SPINK5: variants seen among roughly 807,000 people sequenced by gnomAD.
SPINK5 encodes serine protease inhibitor Kazal-type 5.
Under a neutral mutation model 151.8 loss-of-function variants are expected in SPINK5, and 125 were observed. The observed-to-expected ratio is 0.82, with a 90% CI of 0.71 to 0.96. The LOEUF (loss-of-function observed/expected upper bound fraction) is 0.96. SPINK5 is among the 40% of genes least tolerant of loss of function. SPINK5 has a pLI of 0.00. For synonymous variants in SPINK5, 374 were observed against 395.3 expected (o/e 0.95, Z 0.64); for missense variants, 1,194 against 1,291.9 (o/e 0.92, Z 1.16).
At chr5:148,086,706 T>C (rs1026870403) in intron 5 of SPINK5, among the ~76,000 whole-genome samples, 174 bp downstream of exon 5, 11 of 151,822 alleles carry the variant, frequency 7.2e-5, no homozygotes, top group Non-Finnish European at 1.0e-4. Flanking sequence ...GTGTATAGCA[T>C]AACACTTTAT....
At chr5:148,127,140 C>A in intron 30 of SPINK5, 61 bp downstream of exon 30, 1 of 1,447,336 alleles carries the variant, frequency 6.9e-7, no homozygotes, top group African/African-American at 1.4e-5. Context: ...TTTTTTTGAC[C>A]TGTTGCTATT....
intron 15 of SPINK5, among the ~76,000 whole-genome samples, chr5:148,104,277 T>G (rs1201855820): frequency 6.6e-6 from 1 of 152,160 alleles, no homozygotes; most frequent in African/African-American, 2.4e-5. Flanking sequence ...AGAATTTGGC[T>G]CCAGAGTCTT....
intron 22 of SPINK5, 29 bp downstream of exon 22, chr5:148,116,495 G>A: frequency 6.2e-7 from 1 of 1,609,180 alleles, no homozygotes; most frequent in African/African-American, 1.3e-5. Context: ...TTCAGTAACT[G>A]GGGCGGGCTC....
intron 15 of SPINK5, 36 bp downstream of exon 15, chr5:148,101,944 T>C: frequency 6.2e-7 from 1 of 1,612,886 alleles, no homozygotes; most frequent in East Asian, 2.2e-5. Context: ...GTCTGAGGAT[T>C]GAGCAGTGGG....
chr5:148,068,285 G>T (rs1752635703), intron 2 of SPINK5, among the ~76,000 whole-genome samples: 1 of 152,022 alleles, frequency 6.6e-6, no homozygotes, highest in African/African-American at 2.4e-5. Flanking sequence ...GGGCTGGTCT[G>T]TGATATCGTT....
At position 148,086,510 on chromosome 5, in the gene SPINK5, T is replaced by C; in HGVS notation, c.388T>C (p.Cys130Arg). ...GTDGKTYDNR[C>R]ALCAENAKTG... ...AGATGGGAAAACATATGACAACAGA[T>C]GTGCACTGTGTGCTGAGAATGCGTG... The change falls in exon 5 of 33, where the codon TGT becomes CGT. Residue 130 changes from cysteine (C) to arginine (R), a missense_variant. Cys to Arg is a radical substitution (Grantham distance 180, BLOSUM62 -3). Coordinates refer to ENST00000256084, the MANE Select transcript of SPINK5 (RefSeq NM_006846.4). 3 of 1,611,648 alleles carry C rather than the reference T, an allele frequency of 1.9e-6. No individual in the cohort carries two copies. The highest frequency in any genetic ancestry group is 2.5e-6 in the Non-Finnish European group (3 of 1,178,582).
rs748333238 is a variant in SPINK5 at position 148,091,116 on chromosome 5, AAAATATGATTGAGTCAT to A, written c.603-45_603-29del. On this transcript the variant is annotated intron_variant, in intron 7 of 32. Coordinates refer to ENST00000256084, the MANE Select transcript of SPINK5 (RefSeq NM_006846.4). ...GTTTAGCACAGGACTGAGGATACTG[AAAATATGATTGAGTCAT>A]AAACTGACCAACTGTTTACTTTTCT... is the stretch of plus-strand genomic sequence containing the variant. 2.6e-6 allele frequency: 4 copies of A among 1,515,746 alleles called. No homozygotes were observed. In the African/African-American group the frequency reaches 5.5e-5, roughly 21 times the overall value. The allele number at this position is 1,515,746 out of a possible 1,614,324, so 93.9% of individuals were successfully genotyped here. A position where few individuals can be genotyped will look rare whatever the true frequency, so the allele number is the denominator to read the frequency against.
intron 11 of SPINK5, among the ~76,000 whole-genome samples, 184 bp downstream of exon 11, chr5:148,098,178 C>T (rs1753523468): frequency 6.6e-6 from 1 of 151,958 alleles, no homozygotes; most frequent in Non-Finnish European, 1.5e-5. Flanking sequence ...TTTAAGACGC[C>T]TTGTTCCTCT....
At position 148,131,336 on chromosome 5, in the gene SPINK5, T is replaced by C. The variant is rs1237574831; in HGVS notation, c.3042T>C (p.Cys1014=). ...YLCPKDLKPV[C]GDDGQTYNNP... ...GTCCAAAGGATTTAAAGCCTGTCTG[T>C]GGTGACGATGGCCAAACCTACAACA... Residue 1014 remains cysteine, a synonymous_variant, in exon 31 of 33, where the codon TGT becomes TGC. Transcript: ENST00000256084. 4.3e-6 allele frequency: 7 copies of C among 1,613,858 alleles called. No homozygotes were observed. The highest frequency in any genetic ancestry group is 5.9e-6 in the Non-Finnish European group (7 of 1,179,864).
chr5:148,089,703 T>C (rs1228046483), intron 7 of SPINK5, 82 bp downstream of exon 7: 48 of 1,598,322 alleles, frequency 3.0e-5, no homozygotes, highest in Non-Finnish European at 3.3e-5. Flanking sequence ...AGAGATAAAA[T>C]CCTTTTCATG....
chr5:148,114,047 T>C (rs536438203), intron 20 of SPINK5, among the ~76,000 whole-genome samples: 1 of 152,296 alleles, frequency 6.6e-6, no homozygotes, highest in African/African-American at 2.4e-5. Flanking sequence ...ACTTCAGTGA[T>C]TGCTTATTCT....
chr5:148,089,353 C>A, intron 6 of SPINK5, 141 bp from the exon 7 acceptor site: 1 of 1,060,082 alleles, frequency 9.4e-7, no homozygotes, highest in Non-Finnish European at 1.4e-6. Context: ...AGAGTACTTA[C>A]TGAGCTACAT....
chr5:148,123,024 T>C (rs943213953), intron 26 of SPINK5, among the ~76,000 whole-genome samples: 1 of 151,872 alleles, frequency 6.6e-6, no homozygotes, highest in East Asian at 1.9e-4. Flanking sequence ...GGAGACAGGT[T>C]TGGGGCTCTG....
Position 148,119,989 on chromosome 5 carries a change from T to C in SPINK5, c.2314-20T>C. 9 of 1,613,374 alleles carry C rather than the reference T, an allele frequency of 5.6e-6. No individual in the cohort carries two copies. Among genetic ancestry groups the C allele is most frequent in the Non-Finnish European group, 7.6e-6 (9 of 1,179,442 alleles). ...TTATGTAAAAACAGCACTTCCAATA[T>C]AATCTTCCCATCTTTTCAGGATACA... On this transcript the variant is annotated intron_variant, in intron 24 of 32. Coordinates refer to ENST00000256084, the MANE Select transcript of SPINK5 (RefSeq NM_006846.4).
chr5:148,111,732 T>C (rs767524139), intron 18 of SPINK5, 36 bp from the exon 19 acceptor site: 3 of 1,613,732 alleles, frequency 1.9e-6, no homozygotes, highest in Non-Finnish European at 2.5e-6. Context: ...GTTTAGTTAT[T>C]GGACTCTTAA....
Position 148,070,374 on chromosome 5 carries a change from C to T in SPINK5, c.133C>T (p.Pro45Ser). The T allele has an allele frequency of 2.5e-5, 41 of 1,612,728 alleles. No individual in the cohort carries two copies. Among genetic ancestry groups the T allele is most frequent in the Non-Finnish European group, 3.4e-5 (40 of 1,179,294 alleles). ...TATGAAAAATGGAAAACTGTTCTGT[C>T]CCCAGGATAAGAAATTTTTTCAAAG... ...AFMKNGKLFC[P>S]QDKKFFQSLD... The change falls in exon 3 of 33, where the codon CCC becomes TCC. Residue 45 changes from proline (P) to serine (S), a missense_variant. Pro to Ser is a moderately conservative substitution (Grantham distance 74). Coordinates refer to ENST00000256084, the MANE Select transcript of SPINK5 (RefSeq NM_006846.4).
chr5:148,080,969 A>G (rs1753003414), intron 4 of SPINK5, among the ~76,000 whole-genome samples: 1 of 151,640 alleles, frequency 6.6e-6, no homozygotes, highest in African/African-American at 2.4e-5. Flanking sequence ...TCAATTAAGT[A>G]TAGATATTAC....
intron 21 of SPINK5, among the ~76,000 whole-genome samples, 164 bp from the exon 22 acceptor site, chr5:148,116,206 A>G (rs765305446): frequency 9.9e-5 from 15 of 152,102 alleles, no homozygotes; most frequent in Non-Finnish European, 1.5e-4. Context: ...ACTCCATATA[A>G]TTTATATTTT....
At position 148,100,512 on chromosome 5, in the gene SPINK5, A is replaced by G; in HGVS notation, c.1151A>G (p.Glu384Gly). The change falls in exon 13 of 33, where the codon GAG becomes GGG. Residue 384 changes from glutamate (E) to glycine (G), a missense_variant. Physicochemically the swap from Glu to Gly is moderately conservative, Grantham distance 98 (BLOSUM62 -2). Coordinates refer to ENST00000256084, the MANE Select transcript of SPINK5 (RefSeq NM_006846.4). ...AACGGAAAACTTGCTTGCACCAGAGAGAACGATCCTATCCAGGGCCCAGAT... is the reference window on the plus strand; with the variant it reads ...AACGGAAAACTTGCTTGCACCAGAGGGAACGATCCTATCCAGGGCCCAGAT... ...VRNGKLACTR[E>G]NDPIQGPDGK... The G allele has an allele frequency of 6.2e-7, 1 of 1,613,362 alleles. No homozygotes were observed. Among genetic ancestry groups the G allele is most frequent in the Non-Finnish European group, 8.5e-7 (1 of 1,179,450 alleles).
Sources: gnomAD v4.1 joint callset for allele counts (sites outside exome capture counted in the v4.1 genomes callset) on GRCh38, gnomAD v4.1.1 for gene constraint, MANE v1.5 for transcripts, NCBI Gene and HGNC (gene_info 2026-07-23, HGNC 2026-07-21) for gene names.